Variants in ABCA13 observed in about 807,000 individuals in gnomAD.
ABCA13 encodes ATP binding cassette subfamily A member 13.
Under a neutral mutation model 478.7 loss-of-function variants are expected in ABCA13, and 476 were observed. The observed-to-expected ratio is 0.99, with a 90% CI of 0.92 to 1.07. The LOEUF is 1.07. Among genes scored for constraint, ABCA13 ranks in the 50% least tolerant of loss-of-function variants. The pLI, the probability that ABCA13 is intolerant of heterozygous loss-of-function variation, is 0.00. For synonymous variants in ABCA13, 2,252 were observed against 2,158.9 expected (o/e 1.04, Z -1.20); for missense variants, 6,060 against 5,910.6 (o/e 1.03, Z -0.83).
intron 48 of ABCA13, among the ~76,000 whole-genome samples, chr7:48,501,838 AT>A (rs1830778186): frequency 6.6e-6 from 1 of 152,076 alleles, no homozygotes; most frequent in Non-Finnish European, 1.5e-5. Flanking sequence ...TAGAGGCAGG[AT>A]TTTCAGTGCT....
At chr7:48,433,021 C>T (rs777548423) in intron 42 of ABCA13, among the ~76,000 whole-genome samples, 11 of 151,758 alleles carry the variant, frequency 7.2e-5, no homozygotes, top group East Asian at 5.8e-4. Context: ...TCGGTTTAGC[C>T]GCTTCACAAG....
intron 42 of ABCA13, among the ~76,000 whole-genome samples, chr7:48,443,836 C>T (rs1218345762): frequency 6.6e-6 from 1 of 152,088 alleles, no homozygotes; most frequent in African/African-American, 2.4e-5. Flanking sequence ...TAAATCCATC[C>T]ACCTCCCACC....
At chr7:48,420,076 A>G (rs961726740) in intron 41 of ABCA13, among the ~76,000 whole-genome samples, 1 of 152,170 alleles carries the variant, frequency 6.6e-6, no homozygotes, top group Non-Finnish European at 1.5e-5. Context: ...CACAGTTAGC[A>G]TGGCTGTTGT....
At chr7:48,244,549 A>G in intron 10 of ABCA13, 27 bp from the exon 11 acceptor site, 2 of 1,600,342 alleles carry the variant, frequency 1.2e-6, no homozygotes, top group African/African-American at 1.3e-5. Flanking sequence ...TTTTCATTTT[A>G]TTTCATTTAT....
At chr7:48,349,573 A>G (rs1305140962) in intron 29 of ABCA13, among the ~76,000 whole-genome samples, 1 of 152,152 alleles carries the variant, frequency 6.6e-6, no homozygotes, top group African/African-American at 2.4e-5. Flanking sequence ...CCTTTCAAAC[A>G]TGGGCTGGGT....
intron 41 of ABCA13, among the ~76,000 whole-genome samples, chr7:48,417,271 C>T (rs749661438): frequency 1.3e-5 from 2 of 152,078 alleles, no homozygotes; most frequent in Non-Finnish European, 2.9e-5. Context: ...GCATTTGTGT[C>T]CTAGATGCTT....
Position 48,483,183 on chromosome 7 carries a change from T to C in ABCA13, c.13182+20T>C. On this transcript the variant is annotated intron_variant, in intron 47 of 61. Coordinates refer to ENST00000435803, the MANE Select transcript of ABCA13 (RefSeq NM_152701.5). ...GCAAAGGTAATCATATTTTTTTATT[T>C]TTTTCCTGTTTTAGAAAGTATTTAG... 6.3e-7 allele frequency: 1 copy of C among 1,584,852 alleles called. No homozygotes were observed. The highest frequency in any genetic ancestry group is 8.6e-7 in the Non-Finnish European group (1 of 1,162,304).
At chr7:48,210,974 C>G (rs1471541811) in intron 3 of ABCA13, among the ~76,000 whole-genome samples, 1 of 152,178 alleles carries the variant, frequency 6.6e-6, no homozygotes, top group African/African-American at 2.4e-5. Flanking sequence ...TGAGATCTCT[C>G]TCTCTTTAGC....
Position 48,403,789 on chromosome 7 carries a change from T to C in ABCA13, c.11980T>C (p.Ser3994Pro). The change falls in exon 39 of 62, where the codon TCG (serine) becomes CCG (proline). Residue 3994 changes from serine to proline, a missense_variant. Transcript: ENST00000435803. Reference protein sequence around the residue: ...LSLGIAFMGMSRTVVLDEPTS... With the variant: ...LSLGIAFMGMPRTVVLDEPTS... ...CCTTGGCATTGCTTTCATGGGCATG[T>C]CGAGGACCGTGGTTCTGGATGAGCC... 1 of 1,613,978 alleles carries C rather than the reference T, an allele frequency of 6.2e-7. No homozygotes were observed. Among genetic ancestry groups the C allele is most frequent in the Non-Finnish European group, 8.5e-7 (1 of 1,179,866 alleles).
intron 18 of ABCA13, 64 bp downstream of exon 18, chr7:48,279,984 T>C: frequency 7.0e-7 from 1 of 1,422,704 alleles, no homozygotes; most frequent in Non-Finnish European, 9.2e-7. Context: ...AATAGAACCA[T>C]GCAGGAATTA....
chr7:48,344,698 G>A (rs1807784050), intron 29 of ABCA13, among the ~76,000 whole-genome samples: 1 of 152,106 alleles, frequency 6.6e-6, no homozygotes, highest in South Asian at 2.1e-4. Flanking sequence ...AACCCAATAA[G>A]AGCTGTGATT....
intron 31 of ABCA13, among the ~76,000 whole-genome samples, chr7:48,365,816 G>A (rs1563128568): frequency 6.6e-6 from 1 of 152,012 alleles, no homozygotes; most frequent in Non-Finnish European, 1.5e-5. Context: ...TATCTACAAA[G>A]AAAACTATGA....
chr7:48,425,843 G>T, intron 41 of ABCA13, among the ~76,000 whole-genome samples: 1 of 152,030 alleles, frequency 6.6e-6, no homozygotes, highest in Non-Finnish European at 1.5e-5. Flanking sequence ...TGGGGTTCAC[G>T]CCATTCTCCT....
chr7:48,347,703 A>G (rs1320033852), intron 29 of ABCA13, among the ~76,000 whole-genome samples: 1 of 152,194 alleles, frequency 6.6e-6, no homozygotes, highest in Non-Finnish European at 1.5e-5. Context: ...GTCCCCTGCC[A>G]CACAGGACAT....
intron 24 of ABCA13, 134 bp from the exon 25 acceptor site, chr7:48,312,933 C>T: frequency 1.1e-6 from 1 of 906,378 alleles, no homozygotes; most frequent in Non-Finnish European, 1.6e-6. Context: ...TCATATAGTA[C>T]CGCAAAGGCG....
chr7:48,266,894 T>G (rs1794941598), intron 15 of ABCA13, among the ~76,000 whole-genome samples: 1 of 152,018 alleles, frequency 6.6e-6, no homozygotes, highest in Admixed American at 6.6e-5. Flanking sequence ...TCATTTTCAT[T>G]CAGTTCAAAG....
intron 15 of ABCA13, among the ~76,000 whole-genome samples, chr7:48,264,008 T>C (rs1794547921): frequency 6.6e-6 from 1 of 151,926 alleles, no homozygotes; most frequent in Admixed American, 6.6e-5. Flanking sequence ...TGTATTTGAG[T>C]TTTCATTTTG....
chr7:48,583,720 T>G (rs1585882095), intron 56 of ABCA13, among the ~76,000 whole-genome samples: 1 of 152,356 alleles, frequency 6.6e-6, no homozygotes, highest in Middle Eastern at 3.4e-3. Context: ...TTCTGTGAAC[T>G]TTTGACATTT....
chr7:48,435,409 GTA>G (rs1281692322), intron 42 of ABCA13, among the ~76,000 whole-genome samples: 18 of 151,900 alleles, frequency 1.2e-4, no homozygotes, highest in African/African-American at 4.1e-4. Flanking sequence ...GTGTTTATGT[GTA>G]TGTATGTGTA....
Sources: gnomAD v4.1 joint callset for allele counts (sites outside exome capture counted in the v4.1 genomes callset) on GRCh38, gnomAD v4.1.1 for gene constraint, MANE v1.5 for transcripts, NCBI Gene and HGNC (gene_info 2026-07-23, HGNC 2026-07-21) for gene names.